Variants in FAM184A observed in about 807,000 individuals in gnomAD.
The protein encoded by FAM184A is family with sequence similarity 184 member A.
FAM184A carries 99 observed loss-of-function variants against 143.8 expected under a neutral mutation model. The ratio of observed to expected loss-of-function variants is 0.69; its 90% CI spans 0.58 to 0.81. The LOEUF (loss-of-function observed/expected upper bound fraction) is 0.81, where lower values mean the gene tolerates loss of function less well. Ranked by LOEUF, FAM184A falls within the 40% of genes least tolerant of loss-of-function variation. The probability of loss-of-function intolerance (pLI) is 0.00; values close to 1 mark genes in which losing one functional copy is unlikely to be tolerated. For missense variants in FAM184A, 1,217 were observed against 1,310.5 expected, an observed-to-expected ratio of 0.93 and a Z score of 1.10; for synonymous variants, 427 against 446.4, an observed-to-expected ratio of 0.96 and a Z score of 0.55.
chr6:119,036,674 C>G (rs1379278392), intron 1 of FAM184A, among the ~76,000 whole-genome samples: 1 of 152,058 alleles, frequency 6.6e-6, no homozygotes, highest in African/African-American at 2.4e-5. Context: ...AAAATCAAAA[C>G]AACAAACATT....
At position 119,036,839 on chromosome 6, in the gene FAM184A, G is replaced by A. The variant is rs1786132344; in HGVS notation, c.160-12026C>T. 3.3e-5 allele frequency among the ~76,000 whole-genome samples: 5 copies of A among 152,290 alleles called. No individual in the cohort carries two copies. The Middle Eastern group carries it at 0.01, about 311-fold the overall frequency. ...AATTTTTAGATAATATATATTAAGT[G>A]TCAAGCTGTATAGTACAGAATACTG... On this transcript the variant is annotated intron_variant, in intron 1 of 17. Transcript: ENST00000338891.
At chr6:118,965,482 CCAA>C (rs200025118) in intron 15 of FAM184A, among the ~76,000 whole-genome samples, 1,822 of 152,274 alleles carry the variant, frequency 0.012, 22 homozygotes, top group Middle Eastern at 0.024. Flanking sequence ...TTTGGCTTCA[CCAA>C]CAAGATGTTC....
intron 1 of FAM184A, among the ~76,000 whole-genome samples, chr6:119,102,547 G>A (rs1788664662): frequency 6.6e-6 from 1 of 152,000 alleles, no homozygotes; most frequent in African/African-American, 2.4e-5. Flanking sequence ...CAGCACTTTG[G>A]AAGGCCGAGG....
chr6:119,091,734 T>C (rs1363458258), intron 1 of FAM184A, among the ~76,000 whole-genome samples: 1 of 152,220 alleles, frequency 6.6e-6, no homozygotes, highest in East Asian at 1.9e-4. Flanking sequence ...GGAGGGAGGA[T>C]GAGGGATCGG....
At chr6:119,084,383 G>A (rs926053965) in intron 1 of FAM184A, among the ~76,000 whole-genome samples, 1 of 152,214 alleles carries the variant, frequency 6.6e-6, no homozygotes, top group Non-Finnish European at 1.5e-5. Flanking sequence ...CAGCAAGGCA[G>A]TCATTAAATC....
intron 1 of FAM184A, among the ~76,000 whole-genome samples, chr6:119,060,938 T>C (rs1051943743): frequency 5.3e-5 from 8 of 152,214 alleles, no homozygotes; most frequent in Admixed American, 1.3e-4. Context: ...CTTTTCTTTA[T>C]AAATTACCCA....
At chr6:119,017,281 G>A (rs541543370) in intron 4 of FAM184A, among the ~76,000 whole-genome samples, 132 of 152,244 alleles carry the variant, frequency 8.7e-4, no homozygotes, top group African/African-American at 2.9e-3. Flanking sequence ...GGTGGATCAC[G>A]AGGTCAGGAG....
chr6:119,103,298 G>A (rs1005657107), intron 1 of FAM184A, among the ~76,000 whole-genome samples: 3 of 152,184 alleles, frequency 2.0e-5, no homozygotes, highest in African/African-American at 7.2e-5. Flanking sequence ...ACATTGATGA[G>A]TAGCTACATC....
chr6:119,048,417 A>C (rs1582553275), intron 1 of FAM184A, among the ~76,000 whole-genome samples: 5 of 152,328 alleles, frequency 3.3e-5, no homozygotes, highest in Admixed American at 3.3e-4. Context: ...GGGCATCCAA[A>C]TAGAAAGAGA....
At chr6:119,147,064 G>GT (rs1202971153) in intron 1 of FAM184A, among the ~76,000 whole-genome samples, 4,171 of 116,052 alleles carry the variant, frequency 0.036, 259 homozygotes, top group African/African-American at 0.1. Flanking sequence ...GGCAGGCTCT[G>GT]TTTTTTTTTT....
intron 1 of FAM184A, among the ~76,000 whole-genome samples, chr6:119,116,966 G>A (rs1480184636): frequency 6.6e-6 from 1 of 152,186 alleles, no homozygotes; most frequent in East Asian, 1.9e-4. Context: ...TAAATGTTTT[G>A]ACTTTATCCT....
intron 1 of FAM184A, among the ~76,000 whole-genome samples, chr6:119,025,801 T>C (rs1175618424): frequency 6.6e-6 from 1 of 152,222 alleles, no homozygotes; most frequent in Admixed American, 6.5e-5. Context: ...AATCAGTGTC[T>C]GGAGATTTGC....
intron 9 of FAM184A, among the ~76,000 whole-genome samples, chr6:118,988,297 G>A (rs1486931357): frequency 6.6e-6 from 1 of 152,182 alleles, no homozygotes; most frequent in Non-Finnish European, 1.5e-5. Flanking sequence ...AAGACACACA[G>A]TCTAAATTAT....
At chr6:119,046,463 G>T (rs1786538729) in intron 1 of FAM184A, among the ~76,000 whole-genome samples, 1 of 151,848 alleles carries the variant, frequency 6.6e-6, no homozygotes, top group African/African-American at 2.4e-5. Context: ...AGCCTCAGGT[G>T]ATCCACCTGC....
At position 119,016,919 on chromosome 6, in the gene FAM184A, T is replaced by C. The variant is rs745974210; in HGVS notation, c.1358A>G (p.Gln453Arg). The C allele has an allele frequency of 6.2e-7, 1 of 1,611,682 alleles. No homozygotes were observed. Among genetic ancestry groups the C allele is most frequent in the Admixed American group, 1.7e-5 (1 of 59,510 alleles). Residue 453 changes from glutamine (Q) to arginine (R), a missense_variant, in exon 5 of 18, where the codon CAG (glutamine) becomes CGG (arginine). Transcript: ENST00000338891. ...EKKVNEAKRT[Q>R]QEYYERELKN... ...AAGTTCCCTTTCATAATATTCTTGCTGAGTTCTCTTTGCTTCATTTACTTT... is the reference window on the plus strand; with the variant it reads ...AAGTTCCCTTTCATAATATTCTTGCCGAGTTCTCTTTGCTTCATTTACTTT...
At chr6:119,120,085 C>G (rs1388886738) in intron 1 of FAM184A, among the ~76,000 whole-genome samples, 1 of 152,222 alleles carries the variant, frequency 6.6e-6, no homozygotes, top group Non-Finnish European at 1.5e-5. Context: ...AGCATATTCA[C>G]AGAATTGTGC....
intron 1 of FAM184A, among the ~76,000 whole-genome samples, chr6:119,113,531 C>T (rs565516084): frequency 4.6e-5 from 7 of 152,170 alleles, no homozygotes; most frequent in East Asian, 3.9e-4. Context: ...CTCAGTCCCC[C>T]CTTATCTGTG....
intron 1 of FAM184A, among the ~76,000 whole-genome samples, chr6:119,076,873 A>T (rs555361068): frequency 2.6e-5 from 4 of 152,224 alleles, no homozygotes; most frequent in Admixed American, 2.0e-4. Flanking sequence ...CTGACAAAAA[A>T]GGAAACAAAA....
chr6:119,007,973 T>C (rs1415639326), intron 6 of FAM184A, among the ~76,000 whole-genome samples: 1 of 151,692 alleles, frequency 6.6e-6, no homozygotes, highest in East Asian at 1.9e-4. Context: ...AGTAACAATG[T>C]AAAGAATTCA....
Sources: allele counts gnomAD v4.1 joint callset (sites outside exome capture counted in the v4.1 genomes callset), GRCh38; gene constraint gnomAD v4.1.1; transcripts MANE v1.5; gene names NCBI Gene and HGNC (gene_info 2026-07-23, HGNC 2026-07-21).